Variants in PRKCE observed in about 807,000 individuals in gnomAD.
PRKCE encodes protein kinase C epsilon, also known as protein kinase C epsilon type.
A neutral mutation model predicts 85.4 loss-of-function variants in PRKCE; 16 were observed. That is an observed-to-expected ratio of 0.19 (90% CI 0.13 to 0.28). PRKCE has a LOEUF of 0.28. Among genes scored for constraint, PRKCE ranks in the 10% least tolerant of loss-of-function variants. The pLI is 1.00. For synonymous variants in PRKCE, 388 were observed against 371.5 expected, an observed-to-expected ratio of 1.04 and a Z score of -0.51; for missense variants, 573 against 975.2, an observed-to-expected ratio of 0.59 and a Z score of 5.49.
At chr2:45,903,463 T>A (rs1179299623) in intron 2 of PRKCE, among the ~76,000 whole-genome samples, 1 of 152,176 alleles carries the variant, frequency 6.6e-6, no homozygotes, top group Non-Finnish European at 1.5e-5. Flanking sequence ...TGAGGGAAGA[T>A]GAGGCCGAAA....
At chr2:45,691,828 C>T (rs898112052) in intron 1 of PRKCE, among the ~76,000 whole-genome samples, 1 of 152,208 alleles carries the variant, frequency 6.6e-6, no homozygotes, top group African/African-American at 2.4e-5. Context: ...CCTGCAGGCC[C>T]AGCCAACTGC....
At chr2:45,788,945 C>T (rs1439624164) in intron 1 of PRKCE, among the ~76,000 whole-genome samples, 1 of 152,222 alleles carries the variant, frequency 6.6e-6, no homozygotes, top group Non-Finnish European at 1.5e-5. Context: ...AATACCAGAA[C>T]CTAGTCCTAC....
chr2:45,800,151 G>T (rs112102840), intron 1 of PRKCE, among the ~76,000 whole-genome samples: 11 of 152,354 alleles, frequency 7.2e-5, no homozygotes, highest in African/African-American at 2.4e-4. Context: ...GTGCCCAGCG[G>T]CTGGATACTT....
chr2:45,966,673 C>G (rs1384156961), intron 2 of PRKCE, among the ~76,000 whole-genome samples: 1 of 152,172 alleles, frequency 6.6e-6, no homozygotes, highest in Non-Finnish European at 1.5e-5. Flanking sequence ...CTGCTTTTTT[C>G]TAGAGTTAAG....
chr2:45,843,145 GA>G, intron 2 of PRKCE, 82 bp downstream of exon 2: 1 of 1,230,382 alleles, frequency 8.1e-7, no homozygotes, highest in Non-Finnish European at 1.2e-6. Flanking sequence ...CCCTTGGCCG[GA>G]ACACATTATA....
chr2:45,927,019 G>A (rs1207875640), intron 2 of PRKCE, among the ~76,000 whole-genome samples: 2 of 152,108 alleles, frequency 1.3e-5, no homozygotes, highest in Non-Finnish European at 2.9e-5. Context: ...GTGTATACAT[G>A]AACGTGTGAG....
intron 1 of PRKCE, among the ~76,000 whole-genome samples, chr2:45,833,002 C>T (rs1342364693): frequency 6.6e-6 from 1 of 151,906 alleles, no homozygotes; most frequent in Non-Finnish European, 1.5e-5. Context: ...ATGATCGTGT[C>T]TTGGCTTTCA....
At chr2:46,129,003 T>C (rs555453659) in intron 11 of PRKCE, among the ~76,000 whole-genome samples, 54 of 152,330 alleles carry the variant, frequency 3.5e-4, no homozygotes, top group African/African-American at 1.3e-3. Flanking sequence ...GCCTAGACAC[T>C]GGGTGGTTAA....
chr2:45,801,767 T>C (rs571210907), intron 1 of PRKCE, among the ~76,000 whole-genome samples: 51 of 152,238 alleles, frequency 3.4e-4, no homozygotes, highest in Middle Eastern at 3.4e-3. Flanking sequence ...GTCCTGGCTG[T>C]CCATGGGACA....
At chr2:46,170,205 C>T (rs915777436) in intron 14 of PRKCE, among the ~76,000 whole-genome samples, 3 of 152,210 alleles carry the variant, frequency 2.0e-5, no homozygotes, top group Admixed American at 2.0e-4. Flanking sequence ...GTTTCCTGCC[C>T]ATAGCCCCAG....
At position 46,092,477 on chromosome 2, in the gene PRKCE, G is replaced by T. The variant is rs565416489; in HGVS notation, c.1592+6115G>T. On this transcript the variant is annotated intron_variant, in intron 11 of 14. Transcript: ENST00000306156. ...AAGGAGGTGCCTCTGCCTTGGCCAAGCCTAGATTCTTCTGTACTCAGGAGG... is the reference window on the plus strand; with the variant it reads ...AAGGAGGTGCCTCTGCCTTGGCCAATCCTAGATTCTTCTGTACTCAGGAGG... Among the ~76,000 whole-genome samples, 309 of 152,268 alleles carry T rather than the reference G, an allele frequency of 2.0e-3. 1 individual carries two copies. The highest frequency in any genetic ancestry group is 7.3e-3 in the African/African-American group (303 of 41,552).
chr2:45,866,538 A>G (rs189230344), intron 2 of PRKCE, among the ~76,000 whole-genome samples: 1 of 151,552 alleles, frequency 6.6e-6, no homozygotes, highest in African/African-American at 2.4e-5. Flanking sequence ...TGATCTCCAG[A>G]CCTCGTGATC....
chr2:45,773,748 G>T (rs1160150957), intron 1 of PRKCE, among the ~76,000 whole-genome samples: 2 of 152,160 alleles, frequency 1.3e-5, no homozygotes, highest in African/African-American at 2.4e-5. Flanking sequence ...CAGAGCCCCT[G>T]TTTGCCCCAC....
intron 1 of PRKCE, among the ~76,000 whole-genome samples, chr2:45,715,755 G>A (rs772426479): frequency 4.6e-5 from 7 of 152,192 alleles, no homozygotes; most frequent in Non-Finnish European, 7.3e-5. Context: ...TGCACTACAC[G>A]AACTGCCTTT....
chr2:45,668,179 A>G (rs978034043), intron 1 of PRKCE, among the ~76,000 whole-genome samples: 3 of 152,094 alleles, frequency 2.0e-5, no homozygotes, highest in African/African-American at 7.2e-5. Flanking sequence ...CGTCTGTACT[A>G]AAAATACAAA....
At chr2:45,656,576 G>A (rs993713354) in intron 1 of PRKCE, among the ~76,000 whole-genome samples, 4 of 152,146 alleles carry the variant, frequency 2.6e-5, no homozygotes, top group African/African-American at 7.2e-5. Context: ...AGTTAATAAC[G>A]CTACTCAGAC....
chr2:46,133,148 G>C (rs1674629031), intron 11 of PRKCE, among the ~76,000 whole-genome samples: 1 of 152,162 alleles, frequency 6.6e-6, no homozygotes, highest in Non-Finnish European at 1.5e-5. Context: ...TCCTGTCCGG[G>C]AATTCTGGAC....
intron 10 of PRKCE, among the ~76,000 whole-genome samples, chr2:46,065,399 G>A (rs181181184): frequency 1.6e-4 from 24 of 152,182 alleles, no homozygotes; most frequent in African/African-American, 5.1e-4. Context: ...AAAAGCAGAC[G>A]TCATTTCACG....
intron 2 of PRKCE, among the ~76,000 whole-genome samples, chr2:45,967,653 TAAC>T (rs1158043916): frequency 2.0e-5 from 3 of 152,072 alleles, no homozygotes; most frequent in African/African-American, 7.2e-5. Flanking sequence ...ATGAAGGAAA[TAAC>T]AAAATTTGAA....
Sources: gnomAD v4.1 joint callset for allele counts (sites outside exome capture counted in the v4.1 genomes callset) on GRCh38, gnomAD v4.1.1 for gene constraint, MANE v1.5 for transcripts, NCBI Gene and HGNC (gene_info 2026-07-23, HGNC 2026-07-21) for gene names.